The following PLXDC2 variants were observed in gnomAD, a reference collection of about 807,000 sequenced individuals.
PLXDC2 encodes plexin domain containing 2.
A neutral mutation model predicts 68.9 loss-of-function variants in PLXDC2; 40 were observed. The observed-to-expected ratio is 0.58, with a 90% CI of 0.45 to 0.76. The LOEUF (loss-of-function observed/expected upper bound fraction) is 0.76. Ranked by LOEUF, PLXDC2 falls within the 30% of genes least tolerant of loss-of-function variation. The pLI, the probability that PLXDC2 is intolerant of heterozygous loss-of-function variation, is 0.00. For synonymous variants in PLXDC2, 243 were observed against 234.2 expected (o/e 1.04, Z -0.34); for missense variants, 644 against 661.9 (o/e 0.97, Z 0.30).
At chr10:19,977,983 G>C (rs1834487284) in intron 1 of PLXDC2, among the ~76,000 whole-genome samples, 1 of 152,122 alleles carries the variant, frequency 6.6e-6, no homozygotes, top group African/African-American at 2.4e-5. Context: ...CCAGTTTTCT[G>C]CTAAATTGAG....
At chr10:19,900,837 T>C (rs954849709) in intron 1 of PLXDC2, among the ~76,000 whole-genome samples, 30 of 151,834 alleles carry the variant, frequency 2.0e-4, no homozygotes, top group Admixed American at 1.2e-3. Flanking sequence ...CTCCCACTTA[T>C]GAGTGGGAGC....
intron 4 of PLXDC2, among the ~76,000 whole-genome samples, chr10:20,072,807 CT>C (rs894887421): frequency 4.5e-4 from 68 of 152,286 alleles, no homozygotes; most frequent in African/African-American, 1.6e-3. Context: ...GTTGGAAAGA[CT>C]TCCAGACAAA....
intron 1 of PLXDC2, among the ~76,000 whole-genome samples, chr10:19,998,136 T>G (rs1834872319): frequency 6.6e-6 from 1 of 152,216 alleles, no homozygotes; most frequent in Non-Finnish European, 1.5e-5. Flanking sequence ...CTGTTGTTTT[T>G]GTTTTTACTG....
chr10:20,101,615 C>G (rs1833422640), intron 4 of PLXDC2, among the ~76,000 whole-genome samples: 1 of 152,042 alleles, frequency 6.6e-6, no homozygotes, highest in East Asian at 1.9e-4. Flanking sequence ...GGTTCATCAT[C>G]AAAAAACTTC....
chr10:20,088,885 G>A (rs1196677508), intron 4 of PLXDC2, among the ~76,000 whole-genome samples: 2 of 152,092 alleles, frequency 1.3e-5, no homozygotes, highest in Non-Finnish European at 2.9e-5. Context: ...TATGATTTAG[G>A]AGTATTAATA....
intron 1 of PLXDC2, among the ~76,000 whole-genome samples, chr10:19,874,337 T>A (rs1837595433): frequency 6.6e-6 from 1 of 152,218 alleles, no homozygotes; most frequent in Non-Finnish European, 1.5e-5. Flanking sequence ...TTTTAAACCA[T>A]GGATCTCCTC....
chr10:19,843,752 G>T (rs1836948860), intron 1 of PLXDC2, among the ~76,000 whole-genome samples: 2 of 152,280 alleles, frequency 1.3e-5, no homozygotes, highest in South Asian at 4.1e-4. Context: ...TAGAATGACT[G>T]ATATCAGAGC....
chr10:19,932,263 T>C (rs1002095919), intron 1 of PLXDC2, among the ~76,000 whole-genome samples: 6 of 152,114 alleles, frequency 3.9e-5, no homozygotes, highest in Middle Eastern at 3.2e-3. Flanking sequence ...TTTTTTTCAC[T>C]CCTCTATTTA....
At position 19,885,359 on chromosome 10, in the gene PLXDC2, T is replaced by G. The variant is rs1268025398; in HGVS notation, c.112+68168T>G. Reference sequence around the variant, plus strand: ...CTGTGCAGAAGCTCTTTAGTTTAATTAGATCCCATTTGTCAATTTTGGCTT... The same window carrying G: ...CTGTGCAGAAGCTCTTTAGTTTAATGAGATCCCATTTGTCAATTTTGGCTT... On this transcript the variant is annotated intron_variant, in intron 1 of 13. Transcript: ENST00000377252. 1.2e-3 allele frequency among the ~76,000 whole-genome samples: 187 copies of G among 151,604 alleles called. 2 individuals are homozygous for G. Among genetic ancestry groups the G allele is most frequent in the Middle Eastern group, 3.4e-3 (1 of 292 alleles).
chr10:19,892,921 C>CTTTTTT (rs61406547), intron 1 of PLXDC2, among the ~76,000 whole-genome samples: 1 of 130,534 alleles, frequency 7.7e-6, no homozygotes, highest in African/African-American at 2.8e-5. Flanking sequence ...TTGAAATGGT[C>CTTTTTT]TTTTTTTTTT....
At chr10:19,917,643 T>C (rs899154171) in intron 1 of PLXDC2, among the ~76,000 whole-genome samples, 4 of 152,192 alleles carry the variant, frequency 2.6e-5, no homozygotes, top group African/African-American at 9.7e-5. Flanking sequence ...AGGCTGTTTG[T>C]ATTTTCTCAC....
chr10:20,053,543 T>C (rs1341214452), intron 3 of PLXDC2, among the ~76,000 whole-genome samples: 5 of 152,140 alleles, frequency 3.3e-5, no homozygotes, highest in Non-Finnish European at 7.4e-5. Flanking sequence ...GACTTGTTCT[T>C]TTCCCTCTTG....
At chr10:20,155,169 T>A (rs2131805296) in intron 6 of PLXDC2, among the ~76,000 whole-genome samples, 1 of 152,358 alleles carries the variant, frequency 6.6e-6, no homozygotes, top group South Asian at 2.1e-4. Context: ...GGGCTCTTAA[T>A]GCATTTTTTA....
intron 1 of PLXDC2, among the ~76,000 whole-genome samples, chr10:19,911,093 G>T (rs1010095144): frequency 6.6e-6 from 1 of 152,010 alleles, no homozygotes; most frequent in Non-Finnish European, 1.5e-5. Flanking sequence ...CTTCTCGGGG[G>T]TGTGACTTGC....
At chr10:20,173,691 G>A (rs1306738152) in intron 7 of PLXDC2, among the ~76,000 whole-genome samples, 8 of 152,130 alleles carry the variant, frequency 5.3e-5, no homozygotes, top group Non-Finnish European at 1.0e-4. Context: ...AATCACCATC[G>A]CTAAGACTGA....
chr10:20,172,579 T>C (rs1015865222), intron 7 of PLXDC2, among the ~76,000 whole-genome samples: 3 of 152,148 alleles, frequency 2.0e-5, no homozygotes, highest in African/African-American at 4.8e-5. Flanking sequence ...GGTCAGGGTA[T>C]TTGGGGTGTC....
intron 1 of PLXDC2, among the ~76,000 whole-genome samples, chr10:19,914,027 G>A (rs1833322159): frequency 6.7e-6 from 1 of 150,304 alleles, no homozygotes; most frequent in African/African-American, 2.5e-5. Context: ...TGACAATAAA[G>A]AAGGGAAGGA....
intron 9 of PLXDC2, among the ~76,000 whole-genome samples, chr10:20,204,782 A>G (rs990784076): frequency 6.6e-6 from 1 of 152,136 alleles, no homozygotes; most frequent in Non-Finnish European, 1.5e-5. Flanking sequence ...AGTGGTGACT[A>G]GTTGGGACAG....
At chr10:20,188,951 G>T (rs1314728801) in intron 9 of PLXDC2, among the ~76,000 whole-genome samples, 1 of 151,510 alleles carries the variant, frequency 6.6e-6, no homozygotes, top group Non-Finnish European at 1.5e-5. Flanking sequence ...AGCTTACAAT[G>T]CTATAAGAGA....
Sources: allele counts gnomAD v4.1 joint callset (sites outside exome capture counted in the v4.1 genomes callset), GRCh38; gene constraint gnomAD v4.1.1; transcripts MANE v1.5; gene names NCBI Gene and HGNC (gene_info 2026-07-23, HGNC 2026-07-21).